BMP7: variants seen among roughly 807,000 people sequenced by gnomAD.
BMP7 encodes the protein osteogenic protein 1.
In BMP7, 12 loss-of-function variants were observed where a neutral mutation model predicts 41.2. That is an observed-to-expected ratio of 0.29 (90% CI 0.19 to 0.47). BMP7 has a LOEUF of 0.47. Ranked by LOEUF, BMP7 falls within the 20% of genes least tolerant of loss-of-function variation. The pLI, the probability that BMP7 is intolerant of heterozygous loss-of-function variation, is 0.99. For synonymous variants in BMP7, 248 were observed against 250.0 expected (o/e 0.99, Z 0.07); for missense variants, 467 against 606.0 (o/e 0.77, Z 2.41).
intron 2 of BMP7, among the ~76,000 whole-genome samples, chr20:57,205,298 A>C (rs1428026587): frequency 6.6e-6 from 1 of 152,180 alleles, no homozygotes; most frequent in African/African-American, 2.4e-5. Context: ...TAAAGTCATG[A>C]GATTATTTTT....
intron 1 of BMP7, among the ~76,000 whole-genome samples, chr20:57,260,110 G>T (rs751345359): frequency 6.6e-6 from 1 of 152,076 alleles, no homozygotes; most frequent in Non-Finnish European, 1.5e-5. Context: ...TGAAGCTCTG[G>T]AATAAATAAA....
chr20:57,226,365 G>A (rs2066006169), intron 2 of BMP7, among the ~76,000 whole-genome samples: 1 of 152,256 alleles, frequency 6.6e-6, no homozygotes, highest in South Asian at 2.1e-4. Flanking sequence ...CTGCTCAGCA[G>A]TGTCTACCAA....
intron 2 of BMP7, among the ~76,000 whole-genome samples, chr20:57,203,118 G>C (rs1486467785): frequency 1.3e-5 from 2 of 152,046 alleles, no homozygotes; most frequent in East Asian, 3.9e-4. Context: ...CAAGGTCCAA[G>C]GTCATTTAAC....
At chr20:57,245,144 G>C (rs1439846967) in intron 1 of BMP7, among the ~76,000 whole-genome samples, 1 of 152,108 alleles carries the variant, frequency 6.6e-6, no homozygotes, top group Admixed American at 6.5e-5. Context: ...GCCGCCCCAG[G>C]GGCTGATGGG....
At chr20:57,230,225 T>C (rs1001894047) in intron 1 of BMP7, among the ~76,000 whole-genome samples, 1 of 152,010 alleles carries the variant, frequency 6.6e-6, no homozygotes, top group Non-Finnish European at 1.5e-5. Flanking sequence ...CCTGACCCAA[T>C]CTATGGGACA....
intron 1 of BMP7, among the ~76,000 whole-genome samples, chr20:57,251,650 T>C (rs2066114186): frequency 6.6e-6 from 1 of 152,138 alleles, no homozygotes; most frequent in African/African-American, 2.4e-5. Flanking sequence ...ACTCAGGCTT[T>C]TGGCCGGGCA....
chr20:57,254,116 G>A (rs559122474), intron 1 of BMP7, among the ~76,000 whole-genome samples: 2 of 137,246 alleles, frequency 1.5e-5, no homozygotes, highest in East Asian at 4.5e-4. Context: ...TCTGCCTCCC[G>A]GGTTCAAGCG....
chr20:57,177,129 C>T (rs1345726161), intron 4 of BMP7, among the ~76,000 whole-genome samples: 1 of 152,072 alleles, frequency 6.6e-6, no homozygotes, highest in African/African-American at 2.4e-5. Context: ...CCTTAGCTAC[C>T]CCATGGCTGA....
intron 2 of BMP7, 82 bp from the exon 3 acceptor site, chr20:57,202,705 C>T: frequency 2.7e-6 from 2 of 747,582 alleles, no homozygotes; most frequent in Non-Finnish European, 4.2e-6. Context: ...AGCAGAGCCT[C>T]ATGGGGTGGG....
chr20:57,230,945 G>C (rs564053706), intron 1 of BMP7, among the ~76,000 whole-genome samples: 1 of 151,970 alleles, frequency 6.6e-6, no homozygotes, highest in Non-Finnish European at 1.5e-5. Flanking sequence ...ACAAAGTGCT[G>C]GGATTACAGG....
chr20:57,195,598 G>A (rs920585319), intron 3 of BMP7, among the ~76,000 whole-genome samples: 5 of 152,386 alleles, frequency 3.3e-5, no homozygotes, highest in African/African-American at 7.2e-5. Context: ...CAGCTGCGCC[G>A]TGGGCGGCAT....
At chr20:57,238,562 TC>T (rs1467627893) in intron 1 of BMP7, among the ~76,000 whole-genome samples, 2 of 152,148 alleles carry the variant, frequency 1.3e-5, no homozygotes, top group Non-Finnish European at 2.9e-5. Context: ...CATTTTACCT[TC>T]CCGCCGGCAG....
chr20:57,251,147 T>A (rs1351250265), intron 1 of BMP7, among the ~76,000 whole-genome samples: 2 of 152,040 alleles, frequency 1.3e-5, no homozygotes, highest in Non-Finnish European at 2.9e-5. Context: ...TGCCTACCAC[T>A]GACATCCCCA....
chr20:57,181,267 G>T (rs1010464056), intron 4 of BMP7, among the ~76,000 whole-genome samples: 1 of 152,270 alleles, frequency 6.6e-6, no homozygotes, highest in Admixed American at 6.5e-5. Context: ...TACTTTGGGA[G>T]GCCAAAGTGG....
rs1468893427 is a variant in BMP7, at chr20:57,174,867, C to T, written c.1035+64G>A. On this transcript the variant is annotated intron_variant, in intron 5 of 6. Transcript: ENST00000395863. This position sits in a 1 kb window ranked among gnomAD's most constrained non-coding sequence, Gnocchi z 4.3. ...TGAGAAACAAGACTGAGCACAGACC[C>T]GCTGCCTCGTGGGAGCCCACGCCAG... 43 of 1,521,608 alleles carry T rather than the reference C, an allele frequency of 2.8e-5. No individual in the cohort carries two copies. The highest frequency in any genetic ancestry group is 6.9e-5 in the African/African-American group (5 of 72,404). 94.3% of individuals were successfully genotyped at this position (1,521,608 alleles called of 1,614,324 possible).
chr20:57,175,041 A>C, intron 4 of BMP7, 34 bp from the exon 5 acceptor site: 1 of 1,591,624 alleles, frequency 6.3e-7, no homozygotes, highest in Non-Finnish European at 8.5e-7. Flanking sequence ...AGCAGAGCCC[A>C]GTGAGGAGAA....
In BMP7 at chr20:57,235,614, G is replaced by A. The variant is rs144766029; in HGVS notation, c.419-7193C>T. Reference sequence around the variant, plus strand: ...GCTGAATGGACTCTTAAGGAAGAACGGAGGCCCACTAGTCCCAGAGGACAA... The same window carrying A: ...GCTGAATGGACTCTTAAGGAAGAACAGAGGCCCACTAGTCCCAGAGGACAA... On this transcript the variant is annotated intron_variant, in intron 1 of 6. Coordinates refer to ENST00000395863, the MANE Select transcript of BMP7 (RefSeq NM_001719.3). 7.9e-5 allele frequency among the ~76,000 whole-genome samples: 12 copies of A among 152,296 alleles called. No individual in the cohort carries two copies. In the East Asian group the frequency reaches 9.6e-4, roughly 12 times the overall value.
At chr20:57,201,970 G>A (rs1984631878) in intron 3 of BMP7, among the ~76,000 whole-genome samples, 1 of 152,190 alleles carries the variant, frequency 6.6e-6, no homozygotes, top group South Asian at 2.1e-4. Flanking sequence ...TTGCACAAGG[G>A]CAATTTTGTC....
At chr20:57,176,750 T>TCTCACA (rs1491171120) in intron 4 of BMP7, among the ~76,000 whole-genome samples, 1 of 135,406 alleles carries the variant, frequency 7.4e-6, no homozygotes, top group Non-Finnish European at 1.6e-5. Context: ...CATTCTCCAT[T>TCTCACA]CACACACACA....
Sources: allele counts gnomAD v4.1 joint callset (sites outside exome capture counted in the v4.1 genomes callset), GRCh38; gene constraint gnomAD v4.1.1; non-coding constraint Gnocchi (gnomAD v3.1); transcripts MANE v1.5; gene names NCBI Gene and HGNC (gene_info 2026-07-23, HGNC 2026-07-21).